Variants in NUMA1 observed in about 807,000 individuals in gnomAD.
The protein encoded by NUMA1 is nuclear mitotic apparatus protein 1.
NUMA1 carries 62 observed loss-of-function variants against 237.1 expected under a neutral mutation model. The observed-to-expected ratio is 0.26, with a 90% CI of 0.21 to 0.32. The LOEUF is 0.32. Among genes scored for constraint, NUMA1 ranks in the 10% least tolerant of loss-of-function variants. NUMA1 has a pLI of 1.00. For missense variants in NUMA1, 2,533 were observed against 2,666.5 expected, an observed-to-expected ratio of 0.95 and a Z score of 1.10; for synonymous variants, 1,028 against 1,066.1, an observed-to-expected ratio of 0.96 and a Z score of 0.70.
chr11:72,026,762 G>C (rs1017033396), intron 4 of NUMA1, among the ~76,000 whole-genome samples: 1 of 152,138 alleles, frequency 6.6e-6, no homozygotes, highest in African/African-American at 2.4e-5. Context: ...ATCCTCTGCT[G>C]CCTTCTGCTG....
At chr11:72,069,508 C>A (rs570507598) in intron 2 of NUMA1, among the ~76,000 whole-genome samples, 24 of 152,232 alleles carry the variant, frequency 1.6e-4, no homozygotes, top group Non-Finnish European at 3.4e-4. Flanking sequence ...GTTCTGAAAC[C>A]CAGTAGCAGA....
intron 3 of NUMA1, among the ~76,000 whole-genome samples, chr11:72,029,736 T>C (rs1940047595): frequency 6.6e-6 from 1 of 152,228 alleles, no homozygotes; most frequent in Non-Finnish European, 1.5e-5. Context: ...CTGTATCCCT[T>C]GGATTTTTAT....
intron 15 of NUMA1, among the ~76,000 whole-genome samples, chr11:72,012,668 T>C (rs1250873401): frequency 6.6e-6 from 1 of 152,118 alleles, no homozygotes; most frequent in Non-Finnish European, 1.5e-5. Context: ...AACTTGACTC[T>C]CTAGTGACAG....
chr11:72,079,591 A>G (rs1943941536), intron 1 of NUMA1, among the ~76,000 whole-genome samples: 2 of 152,056 alleles, frequency 1.3e-5, no homozygotes, highest in South Asian at 4.1e-4. Context: ...AAAAGAGAGT[A>G]CCCAGAGGCG....
chr11:72,051,628 T>C (rs1007387764), intron 2 of NUMA1, among the ~76,000 whole-genome samples: 11 of 152,078 alleles, frequency 7.2e-5, no homozygotes, highest in Non-Finnish European at 1.3e-4. Context: ...TGCAGGACCA[T>C]GCCCAGCTAG....
At chr11:72,005,099 A>C in intron 23 of NUMA1, 134 bp downstream of exon 23, 1 of 1,072,342 alleles carries the variant, frequency 9.3e-7, no homozygotes, top group Non-Finnish European at 1.3e-6. Context: ...TTCCACCTGG[A>C]AACATGAGAA....
rs762651415 is a variant in NUMA1, at chr11:72,007,301, G to A, written c.5351C>T (p.Ala1784Val). ...GGAGTCCAGGCTGCTCTCCAGGGGG[G>A]CCTGACTCCGAGCAGGGATGGGAGT... ...YFTPIPARSQ[A>V]PLESSLDSLG... Residue 1784 changes from alanine to valine, a missense_variant, in exon 21 of 27, where the codon GCC (alanine) becomes GTC (valine). Physicochemically the swap from Ala to Val is moderately conservative, Grantham distance 64. This residue lies in a region of NUMA1 where 795 missense variants were observed against 750.8 expected (regional missense o/e 1.06). Coordinates refer to ENST00000393695, the MANE Select transcript of NUMA1 (RefSeq NM_006185.4). The A allele has an allele frequency of 3.7e-6, 6 of 1,613,134 alleles. No individual in the cohort carries two copies. Among genetic ancestry groups the A allele is most frequent in the East Asian group, 4.5e-5 (2 of 44,868 alleles).
chr11:72,049,560 A>ATATATAGATATATATATAT (rs59229987), intron 2 of NUMA1: 1 of 41,004 alleles, frequency 2.4e-5, no homozygotes, highest in Admixed American at 2.9e-4. Flanking sequence ...AAATAATAAT[A>ATATATAGATATATATATAT]ATATATATAT....
rs2135167647 is a variant in NUMA1, at chr11:72,018,283, T to C, written c.878A>G (p.His293Arg). 1 of 1,614,134 alleles carries C rather than the reference T, an allele frequency of 6.2e-7. No individual in the cohort carries two copies. Among genetic ancestry groups the C allele is most frequent in the Non-Finnish European group, 8.5e-7 (1 of 1,179,954 alleles). The change falls in exon 12 of 27, where the codon CAT (histidine) becomes CGT (arginine). Residue 293 changes from histidine to arginine, a missense_variant. This residue lies in a region of NUMA1 where 1,414 missense variants were observed against 1,508.1 expected (regional missense o/e 0.94). Coordinates refer to ENST00000393695, the MANE Select transcript of NUMA1 (RefSeq NM_006185.4). Reference protein sequence around the residue: ...DKNESLTMRLHETLKQCQDLK... With the variant: ...DKNESLTMRLRETLKQCQDLK... Reference sequence around the variant, plus strand: ...GTCCTGGCACTGCTTCAGGGTTTCATGCAGCCGCATGGTAAGGCTGCGAGG... The same window carrying C: ...GTCCTGGCACTGCTTCAGGGTTTCACGCAGCCGCATGGTAAGGCTGCGAGG...
rs1293833861 is a variant in NUMA1 at position 72,004,284 on chromosome 11, C to T, written c.6064G>A (p.Gly2022Arg). Residue 2022 changes from glycine to arginine, a missense_variant, in exon 25 of 27, where the codon GGG becomes AGG. Transcript: ENST00000393695. ...GCCTCAGTAGTGCTCTGTTTGCGCC[C>T]TTCATGTCGGTCTCGGGGAGTCATG... ...RPMTPRDRHE[G>R]RKQSTTEAQK... 1.2e-6 allele frequency: 2 copies of T among 1,613,362 alleles called. No individual in the cohort carries two copies. Among genetic ancestry groups the T allele is most frequent in the Admixed American group, 1.7e-5 (1 of 59,658 alleles).
intron 3 of NUMA1, among the ~76,000 whole-genome samples, chr11:72,033,017 T>C (rs1247371908): frequency 6.6e-6 from 1 of 152,212 alleles, no homozygotes; most frequent in Non-Finnish European, 1.5e-5. Context: ...GGAATTATCA[T>C]GTGTGTGTAT....
At chr11:72,045,883 C>T (rs933003847) in intron 2 of NUMA1, among the ~76,000 whole-genome samples, 2 of 152,250 alleles carry the variant, frequency 1.3e-5, no homozygotes, top group Admixed American at 6.5e-5. Context: ...TATGGCAATG[C>T]ATCAGCCCTG....
chr11:72,053,138 C>A (rs964436443), intron 2 of NUMA1, among the ~76,000 whole-genome samples: 1 of 152,094 alleles, frequency 6.6e-6, no homozygotes, highest in African/African-American at 2.4e-5. Flanking sequence ...CACAAGCCAC[C>A]ACACCTGGCT....
chr11:72,006,221 A>G lies in NUMA1; in HGVS notation c.5506T>C (p.Tyr1836His), dbSNP rs35586429. ...GAAGCAGGAGCAGACCGCGTGCTGT[A>G]GAACGATGAGTTGGCGCTGTCTGGC... ...EEPDSANSSF[Y>H]STRSAPASQA... Residue 1836 changes from tyrosine to histidine, a missense_variant, in exon 22 of 27, where the codon TAC becomes CAC. By Grantham distance (83) the Tyr-to-His change is moderately conservative. This residue lies in a region of NUMA1 where 795 missense variants were observed against 750.8 expected (regional missense o/e 1.06). Transcript: ENST00000393695. 7.2e-3 allele frequency: 11,618 copies of G among 1,614,202 alleles called. 64 individuals carry two copies. Among genetic ancestry groups the G allele is most frequent in the South Asian group, 9.8e-3 (894 of 91,084 alleles).
At position 72,015,199 on chromosome 11, in the gene NUMA1, C is replaced by G. The variant is rs1956440236; in HGVS notation, c.2304G>C (p.Glu768Asp). The part of the protein sequence containing the change: ...EEERAGRKGL[E>D]ARLQQLGEAH... Reference sequence around the variant, plus strand: ...CCTCCCCAAGCTGCTGTAATCGAGCCTCCAGCCCCTTGCGCCCAGCCCTCT... The same window carrying G: ...CCTCCCCAAGCTGCTGTAATCGAGCGTCCAGCCCCTTGCGCCCAGCCCTCT... The change falls in exon 15 of 27, where the codon GAG becomes GAC. Residue 768 changes from glutamate to aspartate, a missense_variant. Glu to Asp is a conservative substitution (Grantham distance 45). Coordinates refer to ENST00000393695, the MANE Select transcript of NUMA1 (RefSeq NM_006185.4). The surrounding 1 kb of genome is among the most constrained non-coding windows in gnomAD (Gnocchi z 4.0). 2 of 1,613,536 alleles carry G rather than the reference C, an allele frequency of 1.2e-6. No individual in the cohort carries two copies. The highest frequency in any genetic ancestry group is 1.7e-6 in the Non-Finnish European group (2 of 1,180,048).
chr11:72,032,167 C>A (rs4245463), intron 3 of NUMA1, among the ~76,000 whole-genome samples: 142,684 of 152,104 alleles, frequency 0.94, 67,110 homozygotes, highest in Non-Finnish European at 0.98. Context: ...TCTCAAAAAG[C>A]GGAATCTTTT....
intron 20 of NUMA1, 127 bp from the exon 21 acceptor site, chr11:72,007,562 ATTTT>A: frequency 1.6e-6 from 2 of 1,230,630 alleles, no homozygotes; most frequent in Non-Finnish European, 2.3e-6. Flanking sequence ...CATCTCTCTG[ATTTT>A]TCAGAGGTAC....
chr11:72,063,276 G>A (rs1030721538), intron 2 of NUMA1, among the ~76,000 whole-genome samples: 36 of 152,244 alleles, frequency 2.4e-4, no homozygotes, highest in African/African-American at 8.2e-4. Context: ...CCAGTTACTC[G>A]GGAGGCTGAT....
intron 15 of NUMA1, 141 bp downstream of exon 15, chr11:72,012,754 C>T (rs1956239905): frequency 1.6e-6 from 2 of 1,231,196 alleles, no homozygotes; most frequent in Admixed American, 2.7e-5. Context: ...CCACCAGCCA[C>T]CTCTCCTTTT....
Sources: allele counts gnomAD v4.1 joint callset (sites outside exome capture counted in the v4.1 genomes callset), GRCh38; gene constraint gnomAD v4.1.1; regional missense constraint gnomAD v4.1.1; non-coding constraint Gnocchi (gnomAD v3.1); transcripts MANE v1.5; gene names NCBI Gene and HGNC (gene_info 2026-07-23, HGNC 2026-07-21).